Variants in EPM2A observed in about 807,000 individuals in gnomAD.
EPM2A encodes the protein laforin.
In EPM2A, 21 loss-of-function variants were observed where a neutral mutation model predicts 26.5. That is an observed-to-expected ratio of 0.79 (90% CI 0.56 to 1.14). The LOEUF is 1.14. Ranked by LOEUF, EPM2A falls within the 50% of genes most tolerant of loss-of-function variation. The pLI, the probability that EPM2A is intolerant of heterozygous loss-of-function variation, is 0.00. For synonymous variants in EPM2A, 217 were observed against 177.6 expected, an observed-to-expected ratio of 1.22 and a Z score of -1.76; for missense variants, 458 against 440.8, an observed-to-expected ratio of 1.04 and a Z score of -0.35.
intron 2 of EPM2A, among the ~76,000 whole-genome samples, chr6:145,610,512 GCTA>G (rs1433078777): frequency 3.9e-5 from 6 of 152,158 alleles, no homozygotes; most frequent in African/African-American, 1.4e-4. Flanking sequence ...GTCATCCTAA[GCTA>G]CTTTCTATGT....
intron 4 of EPM2A, among the ~76,000 whole-genome samples, chr6:145,476,565 C>A (rs1779546020): frequency 6.6e-6 from 1 of 152,010 alleles, no homozygotes; most frequent in South Asian, 2.1e-4. Flanking sequence ...CAAAACAAGT[C>A]TTAAAACATT....
chr6:145,473,002 T>A (rs1161134998), intron 4 of EPM2A, among the ~76,000 whole-genome samples: 1 of 151,998 alleles, frequency 6.6e-6, no homozygotes, highest in Non-Finnish European at 1.5e-5. Flanking sequence ...GAAGAACATC[T>A]AGTAGCATCA....
chr6:145,629,943 T>A (rs754276416), intron 3 of EPM2A: 1 of 152,190 alleles, frequency 6.6e-6, no homozygotes, highest in Non-Finnish European at 1.5e-5. Context: ...GCAAACAAGA[T>A]CTTCCCTGGT....
intron 2 of EPM2A, among the ~76,000 whole-genome samples, chr6:145,614,333 C>A (rs2128552651): frequency 6.6e-6 from 1 of 152,308 alleles, no homozygotes; most frequent in Non-Finnish European, 1.5e-5. Flanking sequence ...TCCATCTAGA[C>A]CACTAAAACT....
At chr6:145,734,347 T>G (rs1277256095) in intron 1 of EPM2A, among the ~76,000 whole-genome samples, 1 of 152,096 alleles carries the variant, frequency 6.6e-6, no homozygotes, top group East Asian at 1.9e-4. Context: ...TACTATACAA[T>G]TTTTGTAAAA....
chr6:145,664,918 G>A (rs1779049413), intron 2 of EPM2A, among the ~76,000 whole-genome samples: 1 of 147,390 alleles, frequency 6.8e-6, no homozygotes, highest in Non-Finnish European at 1.5e-5. Context: ...TGACTACTGG[G>A]TACATAACGA....
intron 2 of EPM2A, among the ~76,000 whole-genome samples, chr6:145,579,235 C>A (rs1290403846): frequency 6.6e-6 from 1 of 152,140 alleles, no homozygotes; most frequent in Admixed American, 6.5e-5. Context: ...ATAGTGCCCA[C>A]CCACATGGGT....
chr6:145,479,541 A>T (rs754137078), intron 4 of EPM2A, among the ~76,000 whole-genome samples: 1 of 151,870 alleles, frequency 6.6e-6, no homozygotes, highest in Non-Finnish European at 1.5e-5. Flanking sequence ...TCCTTTTGTG[A>T]TAGACTTATT....
chr6:145,556,386 C>T (rs1780728513), intron 2 of EPM2A, among the ~76,000 whole-genome samples: 1 of 152,118 alleles, frequency 6.6e-6, no homozygotes, highest in African/African-American at 2.4e-5. Flanking sequence ...GCAAAGGTTA[C>T]TTGACCTTGA....
chr6:145,537,324 A>G (rs1021615909), intron 2 of EPM2A, among the ~76,000 whole-genome samples: 4 of 152,206 alleles, frequency 2.6e-5, no homozygotes, highest in East Asian at 1.9e-4. Context: ...CTCGAAACCA[A>G]TAGAACATGG....
At chr6:145,423,989 A>G (rs563092143) in intron 4 of EPM2A, among the ~76,000 whole-genome samples, 7 of 152,322 alleles carry the variant, frequency 4.6e-5, no homozygotes, top group South Asian at 2.1e-4. Flanking sequence ...GATGAAGCCA[A>G]TGGGGCCCAT....
intron 2 of EPM2A, among the ~76,000 whole-genome samples, chr6:145,537,029 G>T (rs1780441582): frequency 2.0e-5 from 3 of 152,176 alleles, no homozygotes; most frequent in African/African-American, 4.8e-5. Flanking sequence ...GCTTTGTCTG[G>T]TTGGTCCTAA....
intron 4 of EPM2A, among the ~76,000 whole-genome samples, chr6:145,483,610 C>T (rs1422901894): frequency 2.0e-5 from 3 of 152,076 alleles, no homozygotes; most frequent in Non-Finnish European, 4.4e-5. Flanking sequence ...AAATGTGTTG[C>T]TATGCTTTAG....
At chr6:145,687,107 C>T (rs1391708270) in intron 1 of EPM2A, among the ~76,000 whole-genome samples, 1 of 152,098 alleles carries the variant, frequency 6.6e-6, no homozygotes, top group Non-Finnish European at 1.5e-5. Flanking sequence ...TTTTGTCCCC[C>T]CAAAATTTAT....
At position 145,613,144 on chromosome 6, in the gene EPM2A, TG is replaced by T. The variant is rs1376410693; in HGVS notation, c.340+22100del. 3.3e-5 allele frequency among the ~76,000 whole-genome samples: 5 copies of T among 152,344 alleles called. No individual in the cohort carries two copies. In the East Asian group the frequency reaches 9.6e-4, roughly 29 times the overall value. On this transcript the variant is annotated intron_variant, in intron 2 of 3. Coordinates refer to the EPM2A transcript ENST00000450221. ...TTATTCAGTATTCTAAATCATTTGT[TG>T]TCGTTTCCACAATGTTCACGGCATC...
intron 4 of EPM2A, among the ~76,000 whole-genome samples, chr6:145,411,440 C>T (rs996338408): frequency 2.0e-5 from 3 of 152,082 alleles, no homozygotes; most frequent in African/African-American, 7.2e-5. Context: ...GCCATAATCA[C>T]TTGAAACAGT....
At chr6:145,391,482 C>T (rs1239283639) in intron 4 of EPM2A, among the ~76,000 whole-genome samples, 2 of 152,158 alleles carry the variant, frequency 1.3e-5, no homozygotes, top group African/African-American at 2.4e-5. Flanking sequence ...GAACATGAGA[C>T]ATGTAATGTA....
At chr6:145,428,607 C>T (rs903356658) in intron 4 of EPM2A, among the ~76,000 whole-genome samples, 2 of 152,164 alleles carry the variant, frequency 1.3e-5, no homozygotes, top group Admixed American at 6.6e-5. Flanking sequence ...CATCTAGAAA[C>T]GGAGTTTATA....
At chr6:145,470,017 G>A (rs904345622) in intron 4 of EPM2A, among the ~76,000 whole-genome samples, 6 of 152,054 alleles carry the variant, frequency 3.9e-5, no homozygotes, top group Non-Finnish European at 7.4e-5. Context: ...GATTCCCAGA[G>A]GCTGGGAAGG....
Sources: gnomAD v4.1 joint callset for allele counts (sites outside exome capture counted in the v4.1 genomes callset) on GRCh38, gnomAD v4.1.1 for gene constraint, MANE v1.5 for transcripts, NCBI Gene and HGNC (gene_info 2026-07-23, HGNC 2026-07-21) for gene names.